NALF1: variants seen among roughly 807,000 people sequenced by gnomAD.
NALF1 encodes family with sequence similarity 155 member A.
Under a neutral mutation model 48.4 loss-of-function variants are expected in NALF1, and 3 were observed. That is an observed-to-expected ratio of 0.06 (90% confidence interval 0.03 to 0.16). NALF1 has a LOEUF of 0.16. NALF1 is among the 10% of genes least tolerant of loss of function. The pLI is 1.00. For missense variants in NALF1, 526 were observed against 571.5 expected, an observed-to-expected ratio of 0.92 and a Z score of 0.81; for synonymous variants, 262 against 245.7, an observed-to-expected ratio of 1.07 and a Z score of -0.62.
chr13:107,349,954 A>C (rs1465306096), intron 1 of NALF1, among the ~76,000 whole-genome samples: 1 of 152,150 alleles, frequency 6.6e-6, no homozygotes, highest in Non-Finnish European at 1.5e-5. Context: ...TTTTGGAATG[A>C]AACTGTCTCA....
At chr13:107,822,014 C>T (rs887733672) in intron 1 of NALF1, among the ~76,000 whole-genome samples, 1 of 146,452 alleles carries the variant, frequency 6.8e-6, no homozygotes, top group Non-Finnish European at 1.5e-5. Flanking sequence ...TTTTGTCATA[C>T]CTTCTATGCT....
intron 1 of NALF1, among the ~76,000 whole-genome samples, chr13:107,848,776 C>G (rs1233850913): frequency 6.6e-6 from 1 of 152,164 alleles, no homozygotes; most frequent in Non-Finnish European, 1.5e-5. Flanking sequence ...TGCAAAATGT[C>G]TGACCTGTCA....
chr13:107,660,467 ACAC>A (rs1880702709), intron 1 of NALF1, among the ~76,000 whole-genome samples: 2 of 124,036 alleles, frequency 1.6e-5, no homozygotes, highest in Non-Finnish European at 3.3e-5. Context: ...ACACACACAC[ACAC>A]ACACACACAC....
At chr13:107,302,776 T>C (rs1183129705) in intron 1 of NALF1, among the ~76,000 whole-genome samples, 2 of 152,192 alleles carry the variant, frequency 1.3e-5, no homozygotes, top group African/African-American at 2.4e-5. Flanking sequence ...AAGTACCAAA[T>C]AGTAAATATT....
intron 1 of NALF1, among the ~76,000 whole-genome samples, chr13:107,719,580 C>T (rs1875924408): frequency 6.6e-6 from 1 of 152,036 alleles, no homozygotes; most frequent in Non-Finnish European, 1.5e-5. Context: ...TAGTAGATGT[C>T]CAAGTAGAAC....
intron 1 of NALF1, among the ~76,000 whole-genome samples, chr13:107,368,234 C>G (rs1566497301): frequency 6.6e-6 from 1 of 152,228 alleles, no homozygotes; most frequent in African/African-American, 2.4e-5. Flanking sequence ...AGAAAGCTCT[C>G]CACTATGTGG....
At chr13:107,403,913 T>C (rs527539659) in intron 1 of NALF1, among the ~76,000 whole-genome samples, 17 of 152,268 alleles carry the variant, frequency 1.1e-4, no homozygotes, top group African/African-American at 3.6e-4. Context: ...GTTACTATTA[T>C]GTTTTCATCT....
intron 1 of NALF1, among the ~76,000 whole-genome samples, chr13:107,471,696 G>T (rs1035127176): frequency 6.6e-6 from 1 of 152,158 alleles, no homozygotes; most frequent in Non-Finnish European, 1.5e-5. Context: ...GGGAAGAAAT[G>T]TTTCTGTTTT....
intron 2 of NALF1, among the ~76,000 whole-genome samples, chr13:107,181,006 A>G (rs530609941): frequency 6.6e-6 from 1 of 151,874 alleles, no homozygotes; most frequent in South Asian, 2.1e-4. Context: ...AGATTATTAT[A>G]GAGTTGTGTA....
chr13:107,843,813 A>C (rs914784526), intron 1 of NALF1, among the ~76,000 whole-genome samples: 3 of 152,188 alleles, frequency 2.0e-5, no homozygotes, highest in Non-Finnish European at 4.4e-5. Flanking sequence ...AGACCAAAAA[A>C]TAAATTGAGA....
At chr13:107,239,176 AATCCAACTGAG>A (rs1321213669) in intron 1 of NALF1, among the ~76,000 whole-genome samples, 39 of 152,348 alleles carry the variant, frequency 2.6e-4, no homozygotes, top group Admixed American at 1.2e-3. Flanking sequence ...GGGCTGCTGT[AATCCAACTGAG>A]TGACTTAAAG....
chr13:107,630,972 A>G (rs1879819883), intron 1 of NALF1, among the ~76,000 whole-genome samples: 1 of 152,120 alleles, frequency 6.6e-6, no homozygotes, highest in African/African-American at 2.4e-5. Context: ...TTGGAAAAAT[A>G]GCATTTTTTC....
chr13:107,217,045 G>A (rs750093), intron 1 of NALF1, among the ~76,000 whole-genome samples: 65,196 of 152,056 alleles, frequency 0.43, 14,781 homozygotes, highest in African/African-American at 0.57. Flanking sequence ...ATGACACAGA[G>A]GCAACTTAGT....
At chr13:107,703,947 G>A (rs1881886589) in intron 1 of NALF1, among the ~76,000 whole-genome samples, 1 of 151,976 alleles carries the variant, frequency 6.6e-6, no homozygotes. Flanking sequence ...TGGCCAAAAG[G>A]TTTTGGTTCT....
At chr13:107,654,405 A>T (rs551747571) in intron 1 of NALF1, among the ~76,000 whole-genome samples, 1 of 152,318 alleles carries the variant, frequency 6.6e-6, no homozygotes, top group East Asian at 1.9e-4. Context: ...GAGGAGACGG[A>T]TAAATTCCCA....
chr13:107,719,478 AAT>A (rs929417297), intron 1 of NALF1, among the ~76,000 whole-genome samples: 1 of 152,046 alleles, frequency 6.6e-6, no homozygotes, highest in Non-Finnish European at 1.5e-5. Context: ...TTCCCCTTTC[AAT>A]AGTCACTTTG....
intron 1 of NALF1, among the ~76,000 whole-genome samples, chr13:107,612,852 C>T (rs1879272296): frequency 6.6e-6 from 1 of 152,052 alleles, no homozygotes; most frequent in Non-Finnish European, 1.5e-5. Context: ...ATAAATCTCC[C>T]TTTCTCTCAT....
chr13:107,738,569 T>C (rs1325478799), intron 1 of NALF1, among the ~76,000 whole-genome samples: 1 of 152,136 alleles, frequency 6.6e-6, no homozygotes, highest in Non-Finnish European at 1.5e-5. Flanking sequence ...GTAATAAAAG[T>C]AGATTATTAA....
chr13:107,764,610 G>A (rs1166180346), intron 1 of NALF1, among the ~76,000 whole-genome samples: 1 of 152,146 alleles, frequency 6.6e-6, no homozygotes, highest in African/African-American at 2.4e-5. Context: ...TGTAAAACCA[G>A]CACATACAAA....
Sources: gnomAD v4.1 joint callset for allele counts (sites outside exome capture counted in the v4.1 genomes callset) on GRCh38, gnomAD v4.1.1 for gene constraint, MANE v1.5 for transcripts, NCBI Gene and HGNC (gene_info 2026-07-23, HGNC 2026-07-21) for gene names.